The following KIAA0232 variants were observed in gnomAD, a reference collection of about 807,000 sequenced individuals.
KIAA0232 encodes uncharacterized protein KIAA0232.
Under a neutral mutation model 122.0 loss-of-function variants are expected in KIAA0232, and 27 were observed. That is an observed-to-expected ratio of 0.22 (90% confidence interval 0.16 to 0.31). The LOEUF (loss-of-function observed/expected upper bound fraction) is 0.31. KIAA0232 is among the 10% of genes least tolerant of loss of function. The pLI, the probability that KIAA0232 is intolerant of heterozygous loss-of-function variation, is 1.00. For missense variants in KIAA0232, 1,551 were observed against 1,634.2 expected (o/e 0.95, Z 0.88); for synonymous variants, 613 against 587.6 (o/e 1.04, Z -0.63).
chr4:6,856,059 T>A (rs1273241405), intron 4 of KIAA0232, among the ~76,000 whole-genome samples: 1 of 152,256 alleles, frequency 6.6e-6, no homozygotes, highest in Non-Finnish European at 1.5e-5. Flanking sequence ...GGACAGAATG[T>A]AACTCTAGAT....
At chr4:6,786,463 C>T (rs1226521384) in intron 1 of KIAA0232, among the ~76,000 whole-genome samples, 2 of 152,120 alleles carry the variant, frequency 1.3e-5, no homozygotes, top group East Asian at 1.9e-4. Context: ...CCACCATGCT[C>T]AGCTAATTAA....
Position 6,824,420 on chromosome 4 carries a change from C to A in KIAA0232, c.-34C>A. The A allele has an allele frequency of 6.6e-7, 1 of 1,524,528 alleles. No individual in the cohort carries two copies. The highest frequency in any genetic ancestry group is 9.1e-7 in the Non-Finnish European group (1 of 1,098,420). The allele number at this position is 1,524,528 out of a possible 1,614,324, so 94.4% of individuals were successfully genotyped here. ...AACAGAATATCAACTGCAGAAAATG[C>A]TTCACATTTTAAGGATGTCGGCAAC... On this transcript the variant is annotated 5_prime_UTR_variant, in exon 3 of 10. Transcript: ENST00000307659.
intron 2 of KIAA0232, among the ~76,000 whole-genome samples, chr4:6,810,543 C>G (rs1354810419): frequency 1.3e-5 from 2 of 152,142 alleles, no homozygotes; most frequent in African/African-American, 4.8e-5. Context: ...ACTAAGACCT[C>G]AAAAACACAG....
intron 2 of KIAA0232, among the ~76,000 whole-genome samples, chr4:6,814,844 G>T (rs1003906576): frequency 1.3e-5 from 2 of 151,976 alleles, no homozygotes; most frequent in African/African-American, 4.8e-5. Flanking sequence ...AACTTTTATG[G>T]GAACTATCTA....
At position 6,863,862 on chromosome 4, in the gene KIAA0232, A is replaced by G; in HGVS notation, c.3480A>G (p.Lys1160=). ...AACCTTTGGAAGAAGATGCAGAGAAAGAAGGCCATTACTATGGAAAATCAG... is the reference window on the plus strand; with the variant it reads ...AACCTTTGGAAGAAGATGCAGAGAAGGAAGGCCATTACTATGGAAAATCAG... ...DLKPLEEDAE[K]EGHYYGKSEL... is the part of the protein sequence containing the mutation. The change falls in exon 7 of 10, where the codon AAA becomes AAG. Residue 1160 remains lysine, a synonymous_variant. Transcript: ENST00000307659. The G allele has an allele frequency of 6.2e-7, 1 of 1,614,218 alleles. No homozygotes were observed. Among genetic ancestry groups the G allele is most frequent in the Non-Finnish European group, 8.5e-7 (1 of 1,180,036 alleles).
At chr4:6,842,275 A>C in intron 4 of KIAA0232, 71 bp downstream of exon 4, 8 of 1,467,066 alleles carry the variant, frequency 5.5e-6, no homozygotes, top group Non-Finnish European at 6.4e-6. Flanking sequence ...CAAATATGAC[A>C]ACTTGACCTC....
chr4:6,858,055 A>G (rs1045225005), intron 5 of KIAA0232, among the ~76,000 whole-genome samples: 13 of 152,260 alleles, frequency 8.5e-5, no homozygotes, highest in African/African-American at 2.4e-4. Context: ...AGATGAGTCA[A>G]TGTAAAGTCT....
Position 6,864,047 on chromosome 4 carries a change from A to T in KIAA0232, c.3665A>T (p.Asp1222Val). The change falls in exon 7 of 10, where the codon GAT (aspartate) becomes GTT (valine). Residue 1222 changes from aspartate to valine, a missense_variant. Physicochemically the swap from Asp to Val is radical, Grantham distance 152. This residue lies in a region of KIAA0232 where 1,108 missense variants were observed against 1,154.8 expected (regional missense o/e 0.96). Coordinates refer to ENST00000307659, the MANE Select transcript of KIAA0232 (RefSeq NM_014743.3). ...ECSMNESLEIDLESSEANCKI... is the reference protein window; with the variant it reads ...ECSMNESLEIVLESSEANCKI... ...AGCATGAATGAATCCCTGGAAATAG[A>T]TTTAGAAAGCTCAGAAGCAAATTGT... The T allele has an allele frequency of 6.2e-7, 1 of 1,614,206 alleles. No homozygotes were observed. Among genetic ancestry groups the T allele is most frequent in the Non-Finnish European group, 8.5e-7 (1 of 1,180,022 alleles).
intron 3 of KIAA0232, among the ~76,000 whole-genome samples, chr4:6,837,374 C>T (rs988025348): frequency 2.0e-5 from 3 of 151,692 alleles, no homozygotes; most frequent in Admixed American, 2.0e-4. Flanking sequence ...GGCAGAGAGG[C>T]TCCTCACTTC....
In KIAA0232 at chr4:6,863,301, T is replaced by A; in HGVS notation, c.2919T>A (p.Asp973Glu). 6.2e-7 allele frequency: 1 copy of A among 1,614,182 alleles called. No homozygotes were observed. Among genetic ancestry groups the A allele is most frequent in the Non-Finnish European group, 8.5e-7 (1 of 1,180,026 alleles). ...ASDVVTIAGT[D>E]VFMTPGNSFA... The stretch of plus-strand genomic sequence containing the variant: ...ATGTTGTGACGATAGCTGGTACAGA[T>A]GTCTTTATGACCCCAGGAAACAGTT... Residue 973 changes from aspartate to glutamate, a missense_variant, in exon 7 of 10, where the codon GAT becomes GAA. Asp to Glu is a conservative substitution (Grantham distance 45). Transcript: ENST00000307659.
chr4:6,829,717 C>A (rs191601133), intron 3 of KIAA0232, among the ~76,000 whole-genome samples: 375 of 152,322 alleles, frequency 2.5e-3, no homozygotes, highest in Middle Eastern at 6.8e-3. Context: ...ACATTTGTTA[C>A]ATTAGTTTAA....
At chr4:6,864,434 GTTGTC>G (rs1213179718) in intron 7 of KIAA0232, among the ~76,000 whole-genome samples, 1 of 152,082 alleles carries the variant, frequency 6.6e-6, no homozygotes, top group African/African-American at 2.4e-5. Context: ...ATTCCTATGT[GTTGTC>G]TTAAGATGCA....
Position 6,824,265 on chromosome 4 carries a change from G to T in KIAA0232, c.-189G>T. 1 of 605,620 alleles carries T rather than the reference G, an allele frequency of 1.7e-6. No individual in the cohort carries two copies. Among genetic ancestry groups the T allele is most frequent in the East Asian group, 2.7e-5 (1 of 36,388 alleles). 37.5% of individuals were successfully genotyped at this position (605,620 alleles called of 1,614,324 possible). ...TCTACATGCATGTTGCTATCAGGAT[G>T]TTGATTCATTAGTCATGCCTGAAGA... On this transcript the variant is annotated 5_prime_UTR_variant, in exon 3 of 10. An upstream start codon of the reference 5' UTR is lost. Transcript: ENST00000307659.
intron 4 of KIAA0232, among the ~76,000 whole-genome samples, chr4:6,844,247 C>A (rs1369757595): frequency 6.6e-6 from 1 of 151,220 alleles, no homozygotes; most frequent in Non-Finnish European, 1.5e-5. Flanking sequence ...ACCAAGTTAC[C>A]CATCGTTTTT....
intron 4 of KIAA0232, among the ~76,000 whole-genome samples, chr4:6,846,693 TAGAA>T (rs1560190168): frequency 6.6e-6 from 1 of 151,964 alleles, no homozygotes; most frequent in Non-Finnish European, 1.5e-5. Flanking sequence ...CCTGCTGCAA[TAGAA>T]AGAATCAGTG....
chr4:6,881,071 A>T lies in KIAA0232; in HGVS notation c.*105A>T, dbSNP rs1018018249. ...AACAACAACTTAGGTTTCCTCTTCA[A>T]TTAACTGATTCAGATTGGTAATAAT... On this transcript the variant is annotated 3_prime_UTR_variant, in exon 10 of 10. Coordinates refer to ENST00000307659, the MANE Select transcript of KIAA0232 (RefSeq NM_014743.3). 35 of 749,196 alleles carry T rather than the reference A, an allele frequency of 4.7e-5. No homozygotes were observed. The highest frequency in any genetic ancestry group is 6.4e-5 in the Non-Finnish European group (33 of 512,006). The allele number at this position is 749,196 out of a possible 1,614,324, so 46.4% of individuals were successfully genotyped here. A position where few individuals can be genotyped will look rare whatever the true frequency, so the allele number is the denominator to read the frequency against.
At chr4:6,875,326 T>C (rs1721693317) in intron 8 of KIAA0232, among the ~76,000 whole-genome samples, 2 of 152,232 alleles carry the variant, frequency 1.3e-5, no homozygotes, top group Non-Finnish European at 2.9e-5. Flanking sequence ...ATACTAGGGC[T>C]CAAAGAGGTT....
intron 4 of KIAA0232, among the ~76,000 whole-genome samples, chr4:6,849,597 C>T (rs796885561): frequency 6.6e-6 from 1 of 152,054 alleles, no homozygotes; most frequent in South Asian, 2.1e-4. Flanking sequence ...GCCTGGGCAA[C>T]AGAGCAAGAC....
chr4:6,876,473 GT>G (rs944283063), intron 8 of KIAA0232, among the ~76,000 whole-genome samples, 186 bp from the exon 9 acceptor site: 2 of 151,926 alleles, frequency 1.3e-5, no homozygotes, highest in South Asian at 2.1e-4. Context: ...TCAGCATAGC[GT>G]TTTTTTTCTC....
Sources: gnomAD v4.1 joint callset for allele counts (sites outside exome capture counted in the v4.1 genomes callset) on GRCh38, gnomAD v4.1.1 for gene constraint, gnomAD v4.1.1 regional missense constraint, MANE v1.5 for transcripts, NCBI Gene and HGNC (gene_info 2026-07-23, HGNC 2026-07-21) for gene names.